ITGA4: variants seen among roughly 807,000 people sequenced by gnomAD.
ITGA4 encodes the protein integrin alpha-4.
ITGA4 carries 63 observed loss-of-function variants against 133.6 expected under a neutral mutation model. The observed-to-expected ratio is 0.47, with a 90% CI of 0.38 to 0.58. ITGA4 has a LOEUF of 0.58. Among genes scored for constraint, ITGA4 ranks in the 20% least tolerant of loss-of-function variants. The probability of loss-of-function intolerance (pLI) is 0.00; values close to 1 mark genes in which losing one functional copy is unlikely to be tolerated. For synonymous variants in ITGA4, 483 were observed against 438.0 expected, an observed-to-expected ratio of 1.10 and a Z score of -1.28; for missense variants, 1,076 against 1,252.7, an observed-to-expected ratio of 0.86 and a Z score of 2.13.
chr2:181,486,827 AG>A (rs1300698146), intron 10 of ITGA4, among the ~76,000 whole-genome samples: 1 of 152,148 alleles, frequency 6.6e-6, no homozygotes, highest in African/African-American at 2.4e-5. Flanking sequence ...ACTTATTTTT[AG>A]GGTTCATAAT....
chr2:181,475,992 A>C (rs1001770356), intron 4 of ITGA4: 3 of 1,102,372 alleles, frequency 2.7e-6, no homozygotes, highest in Non-Finnish European at 3.6e-6. Flanking sequence ...CCCTCACTCA[A>C]AAAAAATCCC....
chr2:181,538,393 CTGAT>C lies in ITGA4; in HGVS notation c.*2871_*2874del. The C allele has an allele frequency of 1.6e-6, 1 of 611,094 alleles. No individual in the cohort carries two copies. Among genetic ancestry groups the C allele is most frequent in the South Asian group, 2.0e-5 (1 of 50,414 alleles). 37.9% of individuals were successfully genotyped at this position (611,094 alleles called of 1,614,324 possible). On this transcript the variant is annotated 3_prime_UTR_variant, in exon 28 of 28. Transcript: ENST00000397033. ...CTGTAATCTAGAAAACTGAGAAGGTCTGATTGATAAATCATCAACAACAATAATT... is the reference window on the plus strand; with the variant it reads ...CTGTAATCTAGAAAACTGAGAAGGTCTGATAAATCATCAACAACAATAATT...
rs1687006440 is a variant in ITGA4 at position 181,534,319 on chromosome 2, A to G, written c.2832A>G (p.Pro944=). The part of the protein sequence containing the change: ...LKFEIRATGF[P]EPNPRVIELN... The stretch of plus-strand genomic sequence containing the variant: ...TTGAAATAAGAGCAACAGGTTTTCC[A>G]GAGCCAAATCCAAGAGTAATTGAAC... Residue 944 remains proline (P), a synonymous_variant, in exon 26 of 28, where the codon CCA becomes CCG. Transcript: ENST00000397033. 9 of 1,611,786 alleles carry G rather than the reference A, an allele frequency of 5.6e-6. No individual in the cohort carries two copies. The South Asian group carries it at 6.6e-5, about 12-fold the overall frequency.
rs1164863962 is a variant in ITGA4, at chr2:181,529,595, C to G, written c.2485C>G (p.Pro829Ala). ...APNVSVEIMV[P>A]NSFSPQTDKL... ...CAATGTTAGTGTGGAAATAATGGTA[C>G]CAAATTCTTTTAGCCCCCAAACTGA... The change falls in exon 23 of 28, where the codon CCA (proline) becomes GCA (alanine). Residue 829 changes from proline (P) to alanine (A), a missense_variant. Around this residue, in one of 4 missense-constraint regions of ITGA4, gnomAD observed 365 missense variants for 421.4 expected, o/e 0.87. Coordinates refer to ENST00000397033, the MANE Select transcript of ITGA4 (RefSeq NM_000885.6). 6.2e-7 allele frequency: 1 copy of G among 1,611,078 alleles called. No individual in the cohort carries two copies. The highest frequency in any genetic ancestry group is 1.7e-5 in the Admixed American group (1 of 59,980).
chr2:181,461,322 G>C (rs1264079297), intron 2 of ITGA4, among the ~76,000 whole-genome samples: 1 of 150,828 alleles, frequency 6.6e-6, no homozygotes, highest in Non-Finnish European at 1.5e-5. Flanking sequence ...TTTTCTTCCT[G>C]CATATATATT....
At chr2:181,486,948 C>G (rs1685934806) in intron 10 of ITGA4, among the ~76,000 whole-genome samples, 1 of 152,128 alleles carries the variant, frequency 6.6e-6, no homozygotes, top group South Asian at 2.1e-4. Context: ...TTAATGTCTT[C>G]TTGTACCTAG....
chr2:181,495,660 T>A lies in ITGA4; in HGVS notation c.1386-123T>A. ...CCTGTGCACAGAAATGTAATTAGTA[T>A]GTACACACATAATAAGACTCATGAA... is the stretch of plus-strand genomic sequence containing the variant. On this transcript the variant is annotated intron_variant, in intron 13 of 27. Transcript: ENST00000397033. The surrounding 1 kb of genome is among the most constrained non-coding windows in gnomAD (Gnocchi z 4.3). 2.5e-6 allele frequency: 2 copies of A among 803,336 alleles called. No homozygotes were observed. The highest frequency in any genetic ancestry group is 4.0e-6 in the Non-Finnish European group (2 of 504,622). The allele number at this position is 803,336 out of a possible 1,614,324, so 49.8% of individuals were successfully genotyped here.
chr2:181,458,915 T>C (rs1407249532), intron 2 of ITGA4: 1 of 152,292 alleles, frequency 6.6e-6, no homozygotes, highest in African/African-American at 2.4e-5. Flanking sequence ...GGTCCATCTT[T>C]TTGCAGTCAT....
Position 181,536,031 on chromosome 2 carries a change from CTTTAAAGCCCTT to C in ITGA4, c.*506_*517del. On this transcript the variant is annotated 3_prime_UTR_variant, in exon 28 of 28. Transcript: ENST00000397033. ...TTTTCTAACGAGTGGACCATTATCA[CTTTAAAGCCCTT>C]TATTTATAATACATTTCCTACGGGC... The C allele has an allele frequency of 6.6e-6, 1 of 152,120 alleles. No homozygotes were observed. The highest frequency in any genetic ancestry group is 1.9e-4 in the East Asian group (1 of 5,194). The allele number at this position is 152,120 out of a possible 1,614,324, so 9.4% of individuals were successfully genotyped here.
In ITGA4 at chr2:181,536,100, C is replaced by G. The variant is rs978433227; in HGVS notation, c.*573C>G. On this transcript the variant is annotated 3_prime_UTR_variant, in exon 28 of 28. Coordinates refer to ENST00000397033, the MANE Select transcript of ITGA4 (RefSeq NM_000885.6). The stretch of plus-strand genomic sequence containing the variant: ...CCAACAACCATTTTTTTTCAGCAGA[C>G]TATGAATATTATAGTATTATAGGCC... 1 of 151,846 alleles carries G rather than the reference C, an allele frequency of 6.6e-6. No homozygotes were observed. Among genetic ancestry groups the G allele is most frequent in the Non-Finnish European group, 1.5e-5 (1 of 67,968 alleles). 9.4% of individuals were successfully genotyped at this position (151,846 alleles called of 1,614,324 possible).
rs1330382810 is a variant in ITGA4, at chr2:181,537,763, T to A, written c.*2236T>A. 1 of 448,552 alleles carries A rather than the reference T, an allele frequency of 2.2e-6. No homozygotes were observed. Among genetic ancestry groups the A allele is most frequent in the South Asian group, 1.6e-5 (1 of 62,556 alleles). 27.8% of individuals were successfully genotyped at this position (448,552 alleles called of 1,614,324 possible). On this transcript the variant is annotated 3_prime_UTR_variant, in exon 28 of 28. Transcript: ENST00000397033. ...GTAAAAAAAAGAATTTGAATTGATA[T>A]CTAAAAACAGAATTTGAATTGATAT... is the stretch of plus-strand genomic sequence containing the variant.
At chr2:181,497,911 A>G (rs1574397658) in intron 14 of ITGA4, among the ~76,000 whole-genome samples, 1 of 151,066 alleles carries the variant, frequency 6.6e-6, no homozygotes. Flanking sequence ...GATCTTCATG[A>G]GCAGATGAAT....
At chr2:181,512,590 A>G (rs1002431953) in intron 17 of ITGA4, among the ~76,000 whole-genome samples, 2 of 152,100 alleles carry the variant, frequency 1.3e-5, no homozygotes, top group Admixed American at 1.3e-4. Flanking sequence ...GGCATCTTCA[A>G]GGAATTAAAG....
intron 15 of ITGA4, among the ~76,000 whole-genome samples, chr2:181,507,485 C>T (rs909724690): frequency 2.0e-5 from 3 of 152,026 alleles, no homozygotes. Context: ...AGTGCTTGAA[C>T]AGGTGCTTTC....
At chr2:181,466,111 T>G (rs954148218) in intron 2 of ITGA4, among the ~76,000 whole-genome samples, 30 of 152,222 alleles carry the variant, frequency 2.0e-4, no homozygotes, top group African/African-American at 7.0e-4. Flanking sequence ...TGTGGGATTT[T>G]GAAGAAGTCC....
At chr2:181,500,109 A>T in intron 15 of ITGA4, among the ~76,000 whole-genome samples, 1 of 152,186 alleles carries the variant, frequency 6.6e-6, no homozygotes, top group South Asian at 2.1e-4. Flanking sequence ...CATATTGCAA[A>T]TATTAAATGA....
chr2:181,495,021 G>A lies in ITGA4; in HGVS notation c.1339+209G>A, dbSNP rs1686130880. Among the ~76,000 whole-genome samples, 1 of 152,068 alleles carries A rather than the reference G, an allele frequency of 6.6e-6. No homozygotes were observed. The highest frequency in any genetic ancestry group is 1.5e-5 in the Non-Finnish European group (1 of 68,004). ...CTAGTTACACAATGTTATAGTCTGT[G>A]TTTTTGAAAACATGAAAGCACTCAT... On this transcript the variant is annotated intron_variant, in intron 12 of 27. Transcript: ENST00000397033. The surrounding 1 kb of genome is among the most constrained non-coding windows in gnomAD (Gnocchi z 4.3).
At chr2:181,458,161 CA>C in intron 1 of ITGA4, 34 bp from the exon 2 acceptor site, 1 of 1,613,572 alleles carries the variant, frequency 6.2e-7, no homozygotes, top group Non-Finnish European at 8.5e-7. Flanking sequence ...CAGCACAGCT[CA>C]CGTCTGAGCG....
At position 181,523,524 on chromosome 2, in the gene ITGA4, C is replaced by T. The variant is rs974804271; in HGVS notation, c.2161C>T (p.Leu721Phe). The stretch of plus-strand genomic sequence containing the variant: ...TATTGGCTATATATATGTAGATCAT[C>T]TCTCAAGGGTAAGTGTTTCATATTT... ...CSIGYIYVDHLSRIDISFLLD... is the reference protein window; with the variant it reads ...CSIGYIYVDHFSRIDISFLLD... The change falls in exon 19 of 28, where the codon CTC (leucine) becomes TTC (phenylalanine). Residue 721 changes from leucine to phenylalanine, a missense_variant. Physicochemically the swap from Leu to Phe is conservative, Grantham distance 22. This residue lies in a region of ITGA4 where 365 missense variants were observed against 421.4 expected (regional missense o/e 0.87). Transcript: ENST00000397033. This position sits in a 1 kb window ranked among gnomAD's most constrained non-coding sequence, Gnocchi z 4.2. 3 of 1,557,646 alleles carry T rather than the reference C, an allele frequency of 1.9e-6. No individual in the cohort carries two copies. The East Asian group carries it at 6.7e-5, about 35-fold the overall frequency.
Sources: gnomAD v4.1 joint callset for allele counts (sites outside exome capture counted in the v4.1 genomes callset) on GRCh38, gnomAD v4.1.1 for gene constraint, gnomAD v4.1.1 regional missense constraint, Gnocchi (gnomAD v3.1) non-coding constraint, MANE v1.5 for transcripts, NCBI Gene and HGNC (gene_info 2026-07-23, HGNC 2026-07-21) for gene names.